The following SLC28A3 variants were observed in gnomAD, a reference collection of about 807,000 sequenced individuals.
SLC28A3 encodes solute carrier family 28 member 3.
SLC28A3 carries 68 observed loss-of-function variants against 84.2 expected under a neutral mutation model. The observed-to-expected ratio is 0.81, with a 90% confidence interval of 0.66 to 0.99. The LOEUF is 0.99. SLC28A3 is among the 50% of genes least tolerant of loss of function. The pLI is 0.00. For missense variants in SLC28A3, 712 were observed against 841.5 expected (o/e 0.85, Z 1.90); for synonymous variants, 267 against 303.6 (o/e 0.88, Z 1.25).
At chr9:84,313,633 G>T in intron 1 of SLC28A3, among the ~76,000 whole-genome samples, 179 bp from the exon 2 acceptor site, 1 of 151,988 alleles carries the variant, frequency 6.6e-6, no homozygotes, top group South Asian at 2.1e-4. Context: ...ACAGATGATC[G>T]GCTGGGCACA....
chr9:84,306,886 G>A (rs1825808269), intron 3 of SLC28A3, among the ~76,000 whole-genome samples: 1 of 151,118 alleles, frequency 6.6e-6, no homozygotes, highest in African/African-American at 2.4e-5. Context: ...GGCCAGGTGT[G>A]GTGGCTCATG....
chr9:84,340,886 T>C (rs1329101498), upstream of SLC28A3, among the ~76,000 whole-genome samples: 1 of 152,060 alleles, frequency 6.6e-6, no homozygotes, highest in African/African-American at 2.4e-5. Flanking sequence ...ATCTTTTCCT[T>C]TATCCCCATT....
chr9:84,311,265 GA>G (rs1012018923), intron 2 of SLC28A3, among the ~76,000 whole-genome samples: 9 of 151,918 alleles, frequency 5.9e-5, no homozygotes, highest in African/African-American at 1.5e-4. Context: ...TTGTTTTTAT[GA>G]AAAAAATATT....
chr9:84,314,157 G>T (rs562763599), intron 1 of SLC28A3, among the ~76,000 whole-genome samples: 3 of 151,898 alleles, frequency 2.0e-5, no homozygotes, highest in Non-Finnish European at 4.4e-5. Context: ...GTTGAAATGG[G>T]TTTTTTTTGG....
At chr9:84,326,072 T>C (rs1356592809) in intron 1 of SLC28A3, among the ~76,000 whole-genome samples, 1 of 152,190 alleles carries the variant, frequency 6.6e-6, no homozygotes, top group Non-Finnish European at 1.5e-5. Flanking sequence ...TTTGTCTGCA[T>C]GTATCTGCAA....
intron 14 of SLC28A3, among the ~76,000 whole-genome samples, chr9:84,284,154 T>G (rs933592136): frequency 6.6e-6 from 1 of 152,184 alleles, no homozygotes; most frequent in Non-Finnish European, 1.5e-5. Flanking sequence ...CAACTGGCAA[T>G]TGGGGATAGA....
At chr9:84,286,532 T>C (rs558891847) in intron 12 of SLC28A3, among the ~76,000 whole-genome samples, 1 of 150,890 alleles carries the variant, frequency 6.6e-6, no homozygotes. Context: ...AGCGATCCTC[T>C]TATCTTAGCC....
intron 1 of SLC28A3, among the ~76,000 whole-genome samples, chr9:84,313,868 GAAA>G (rs754131148): frequency 8.0e-6 from 1 of 125,574 alleles, no homozygotes; most frequent in African/African-American, 3.0e-5. Context: ...GACTCTACCT[GAAA>G]AAAAAAAAAA....
intron 1 of SLC28A3, among the ~76,000 whole-genome samples, chr9:84,327,801 C>T (rs1026857429): frequency 2.6e-5 from 4 of 151,588 alleles, no homozygotes; most frequent in African/African-American, 9.7e-5. Flanking sequence ...ACCTGTAATC[C>T]CAGCTACTAG....
At chr9:84,301,272 C>T (rs984022645) in intron 5 of SLC28A3, among the ~76,000 whole-genome samples, 6 of 147,566 alleles carry the variant, frequency 4.1e-5, no homozygotes, top group African/African-American at 1.5e-4. Context: ...ATCATTTGAA[C>T]CCAGGAGGCG....
the SLC28A3 span, among the ~76,000 whole-genome samples, chr9:84,348,221 G>A: frequency 3.3e-5 from 5 of 152,220 alleles, no homozygotes; most frequent in Non-Finnish European, 7.4e-5. Flanking sequence ...GGACATGGTG[G>A]CTCACACCTG....
chr9:84,282,541 TAGG>T (rs1372912779), intron 14 of SLC28A3, among the ~76,000 whole-genome samples: 1 of 152,116 alleles, frequency 6.6e-6, no homozygotes, highest in Non-Finnish European at 1.5e-5. Flanking sequence ...CAGTTGGAGG[TAGG>T]AGAAGGAACA....
chr9:84,304,585 A>T (rs1323177438), intron 4 of SLC28A3, among the ~76,000 whole-genome samples: 1 of 152,234 alleles, frequency 6.6e-6, no homozygotes, highest in Non-Finnish European at 1.5e-5. Context: ...CGAGTGGGCT[A>T]GATGGCCCTA....
intron 1 of SLC28A3, among the ~76,000 whole-genome samples, 177 bp downstream of exon 1, chr9:84,340,397 T>C (rs1827119656): frequency 6.6e-6 from 1 of 152,182 alleles, no homozygotes; most frequent in African/African-American, 2.4e-5. Flanking sequence ...AAAGAGACTT[T>C]TCAGGTTTGT....
chr9:84,301,616 G>A (rs1257051576), intron 5 of SLC28A3, among the ~76,000 whole-genome samples: 1 of 152,140 alleles, frequency 6.6e-6, no homozygotes, highest in Non-Finnish European at 1.5e-5. Flanking sequence ...TACAACTTGT[G>A]TAAGAAAAAA....
chr9:84,316,979 C>T (rs1244189545), intron 1 of SLC28A3, among the ~76,000 whole-genome samples: 3 of 150,300 alleles, frequency 2.0e-5, no homozygotes, highest in East Asian at 3.9e-4. Context: ...CCAGCCCGGG[C>T]GACAGAGCAA....
intron 1 of SLC28A3, among the ~76,000 whole-genome samples, 178 bp from the exon 2 acceptor site, chr9:84,313,632 C>T (rs1005273175): frequency 2.0e-5 from 3 of 151,884 alleles, no homozygotes; most frequent in Non-Finnish European, 2.9e-5. Context: ...AACAGATGAT[C>T]GGCTGGGCAC....
intron 11 of SLC28A3, 109 bp from the exon 12 acceptor site, chr9:84,288,287 A>G: frequency 6.8e-7 from 1 of 1,467,158 alleles, no homozygotes; most frequent in Non-Finnish European, 9.3e-7. Context: ...GGTTGTTTCT[A>G]TTCCAGAAGA....
chr9:84,352,907 A>C, the SLC28A3 span, among the ~76,000 whole-genome samples: 131 of 151,376 alleles, frequency 8.7e-4, 3 homozygotes, highest in Non-Finnish European at 1.9e-4. Flanking sequence ...AAAAAAAAAA[A>C]AAAAAAAACC....
Sources: allele counts gnomAD v4.1 joint callset (sites outside exome capture counted in the v4.1 genomes callset), GRCh38; gene constraint gnomAD v4.1.1; transcripts MANE v1.5; gene names NCBI Gene and HGNC (gene_info 2026-07-23, HGNC 2026-07-21).